The following SCAI variants were observed in gnomAD, a reference collection of about 807,000 sequenced individuals.
SCAI encodes the protein protein SCAI.
SCAI carries 24 observed loss-of-function variants against 92.2 expected under a neutral mutation model. The ratio of observed to expected loss-of-function variants is 0.26; its 90% confidence interval spans 0.19 to 0.37. The LOEUF (loss-of-function observed/expected upper bound fraction) is 0.37. SCAI is among the 10% of genes least tolerant of loss of function. SCAI has a pLI of 1.00. For synonymous variants in SCAI, 261 were observed against 258.6 expected (o/e 1.01, Z -0.09); for missense variants, 450 against 736.2 (o/e 0.61, Z 4.50).
At chr9:125,039,746 C>G (rs747323892) in intron 3 of SCAI, among the ~76,000 whole-genome samples, 11 of 152,224 alleles carry the variant, frequency 7.2e-5, no homozygotes, top group Admixed American at 1.3e-4. Context: ...TTAAGACTTG[C>G]AATAGAGAAG....
chr9:125,084,064 G>A (rs1163790847), intron 2 of SCAI, among the ~76,000 whole-genome samples: 4 of 151,064 alleles, frequency 2.6e-5, no homozygotes, highest in South Asian at 2.1e-4. Context: ...ACGGAGGAAC[G>A]AGAGGGTCTG....
intron 17 of SCAI, among the ~76,000 whole-genome samples, chr9:124,956,494 C>T (rs1332050324): frequency 6.6e-6 from 1 of 152,182 alleles, no homozygotes; most frequent in South Asian, 2.1e-4. Context: ...GCTGGGATTA[C>T]AGGCGTGAGC....
At chr9:124,959,531 T>TATAC (rs1564357500) in intron 17 of SCAI, among the ~76,000 whole-genome samples, 2 of 149,070 alleles carry the variant, frequency 1.3e-5, no homozygotes, top group East Asian at 3.9e-4. Flanking sequence ...CACATATATA[T>TATAC]ACACACATAT....
intron 2 of SCAI, among the ~76,000 whole-genome samples, chr9:125,080,916 C>T (rs1477668109): frequency 6.6e-6 from 1 of 152,158 alleles, no homozygotes; most frequent in Non-Finnish European, 1.5e-5. Flanking sequence ...CATTCTCATG[C>T]TGTTCTCCTG....
At chr9:125,070,406 T>C (rs2131161136) in intron 2 of SCAI, among the ~76,000 whole-genome samples, 1 of 150,538 alleles carries the variant, frequency 6.6e-6, no homozygotes, top group Non-Finnish European at 1.5e-5. Flanking sequence ...TCTTTTTTTT[T>C]TTTTTTTTTT....
intron 3 of SCAI, 108 bp from the exon 4 acceptor site, chr9:125,029,847 T>G (rs1172619663): frequency 1.7e-6 from 1 of 578,992 alleles, no homozygotes; most frequent in African/African-American, 1.9e-5. Flanking sequence ...GCATTCAGGC[T>G]TTCTTTTTTA....
chr9:125,003,405 C>A lies in SCAI; in HGVS notation c.963+64G>T, dbSNP rs921055085. The A allele has an allele frequency of 1.7e-5, 19 of 1,140,088 alleles. 1 individual carries two copies. In the African/African-American group the frequency reaches 2.9e-4, roughly 17 times the overall value. 70.6% of individuals were successfully genotyped at this position (1,140,088 alleles called of 1,614,324 possible). On this transcript the variant is annotated intron_variant, in intron 10 of 17. Transcript: ENST00000336505. ...GCTGTAGTATCTGTTGAATAATCAG[C>A]GTTCCAACAGGAGAGACGCAGCCAG... is the stretch of plus-strand genomic sequence containing the variant.
At chr9:125,052,063 A>G (rs965300596) in intron 3 of SCAI, among the ~76,000 whole-genome samples, 6 of 152,204 alleles carry the variant, frequency 3.9e-5, no homozygotes, top group African/African-American at 1.4e-4. Flanking sequence ...ATTAATTAAA[A>G]TAAAAAGAAC....
In SCAI at chr9:125,114,766, G is replaced by A. The variant is rs889379692; in HGVS notation, c.98+27867C>T. ...GCTACAGGTGCGTGTCACCACACCC[G>A]GCTTTTTTTTTTTTTTTTTTTTTTT... On this transcript the variant is annotated intron_variant, in intron 2 of 17. Transcript: ENST00000336505. 1.0e-4 allele frequency among the ~76,000 whole-genome samples: 13 copies of A among 127,160 alleles called. No individual in the cohort carries two copies. The South Asian group carries it at 2.2e-3, about 22-fold the overall frequency. The allele number at this position is 127,160 out of a possible 152,430, so 83.4% of individuals were successfully genotyped here. A position where few individuals can be genotyped will look rare whatever the true frequency, so the allele number is the denominator to read the frequency against.
At chr9:125,097,481 C>A (rs1834583554) in intron 2 of SCAI, among the ~76,000 whole-genome samples, 1 of 151,946 alleles carries the variant, frequency 6.6e-6, no homozygotes, top group Non-Finnish European at 1.5e-5. Context: ...TTAAATCATT[C>A]TTTTTTCTAG....
At chr9:125,055,735 C>A in intron 3 of SCAI, 141 bp downstream of exon 3, 1 of 515,102 alleles carries the variant, frequency 1.9e-6, no homozygotes, top group Non-Finnish European at 3.2e-6. Context: ...AAAATGATGT[C>A]AAAGAAAAAA....
At chr9:125,135,973 A>AAC (rs1588255184) in intron 2 of SCAI, among the ~76,000 whole-genome samples, 2 of 143,614 alleles carry the variant, frequency 1.4e-5, no homozygotes, top group East Asian at 2.0e-4. Context: ...ATCTCAAACA[A>AAC]AAAAAAAAAA....
chr9:124,980,064 A>AG (rs1831852411), intron 14 of SCAI, among the ~76,000 whole-genome samples: 1 of 151,952 alleles, frequency 6.6e-6, no homozygotes, highest in African/African-American at 2.4e-5. Context: ...AAAAAAAAAA[A>AG]AAATTAAGCA....
intron 3 of SCAI, among the ~76,000 whole-genome samples, chr9:125,044,834 A>G (rs557524418): frequency 2.0e-5 from 3 of 152,248 alleles, no homozygotes; most frequent in Admixed American, 2.0e-4. Flanking sequence ...GCTTCTGGGC[A>G]CCACCACCAT....
At position 124,990,978 on chromosome 9, in the gene SCAI, G is replaced by A. The variant is rs116963424; in HGVS notation, c.1326+3956C>T. ...GATGGGACCCAGCTACAAGTGGTTC[G>A]AAAAGGGCTCTGAAAGTTTCTGATG... On this transcript the variant is annotated intron_variant, in intron 14 of 17. Transcript: ENST00000336505. Among the ~76,000 whole-genome samples, 1,411 of 152,282 alleles carry A rather than the reference G, an allele frequency of 9.3e-3. 14 individuals are homozygous for A. The highest frequency in any genetic ancestry group is 0.014 in the Middle Eastern group (4 of 294).
intron 9 of SCAI, among the ~76,000 whole-genome samples, chr9:125,014,190 CAGG>C (rs1303545926): frequency 1.3e-5 from 2 of 151,338 alleles, no homozygotes; most frequent in Non-Finnish European, 3.0e-5. Flanking sequence ...GGCAATTATG[CAGG>C]AGAAGGAAAT....
At chr9:125,098,221 AT>A (rs897843153) in intron 2 of SCAI, among the ~76,000 whole-genome samples, 8 of 151,044 alleles carry the variant, frequency 5.3e-5, no homozygotes, top group African/African-American at 1.9e-4. Flanking sequence ...CACCTGGATA[AT>A]TTTTTTTTAT....
chr9:125,053,406 C>A (rs971973437), intron 3 of SCAI, among the ~76,000 whole-genome samples: 2 of 151,974 alleles, frequency 1.3e-5, no homozygotes, highest in African/African-American at 4.8e-5. Context: ...TTCTTGATAG[C>A]CAAAAAACTC....
At chr9:125,122,634 G>A (rs1835178614) in intron 2 of SCAI, among the ~76,000 whole-genome samples, 1 of 148,614 alleles carries the variant, frequency 6.7e-6, no homozygotes, top group Non-Finnish European at 1.5e-5. Flanking sequence ...GCACTGTGCA[G>A]TGGCTCACGC....
Sources: allele counts gnomAD v4.1 joint callset (sites outside exome capture counted in the v4.1 genomes callset), GRCh38; gene constraint gnomAD v4.1.1; transcripts MANE v1.5; gene names NCBI Gene and HGNC (gene_info 2026-07-23, HGNC 2026-07-21).